The following PPP3CB variants were observed in gnomAD, a reference collection of about 807,000 sequenced individuals.
PPP3CB encodes serine/threonine-protein phosphatase 2B catalytic subunit beta isoform.
In PPP3CB, 8 loss-of-function variants were observed where a neutral mutation model predicts 66.4. The ratio of observed to expected loss-of-function variants is 0.12; its 90% confidence interval spans 0.07 to 0.22. PPP3CB has a LOEUF of 0.22. Ranked by LOEUF, PPP3CB falls within the 10% of genes least tolerant of loss-of-function variation. The probability of loss-of-function intolerance (pLI) is 1.00; values close to 1 mark genes in which losing one functional copy is unlikely to be tolerated. For missense variants in PPP3CB, 319 were observed against 642.5 expected (o/e 0.50, Z 5.44); for synonymous variants, 208 against 221.2 (o/e 0.94, Z 0.53).
intron 11 of PPP3CB, 152 bp from the exon 12 acceptor site, chr10:73,444,974 A>T: frequency 1.2e-6 from 1 of 824,460 alleles, no homozygotes; most frequent in East Asian, 2.7e-5. Flanking sequence ...TAATTTTTCT[A>T]TATTTTAAGT....
intron 1 of PPP3CB, among the ~76,000 whole-genome samples, chr10:73,491,494 A>T (rs745480266): frequency 4.6e-5 from 7 of 152,226 alleles, no homozygotes; most frequent in African/African-American, 9.6e-5. Context: ...TATGGTTAAC[A>T]GTAATGAGAG....
chr10:73,448,997 CAT>C (rs778443828), intron 10 of PPP3CB, among the ~76,000 whole-genome samples: 5 of 152,196 alleles, frequency 3.3e-5, no homozygotes, highest in African/African-American at 4.8e-5. Flanking sequence ...CAGAAAAAAA[CAT>C]GTGAAAACAC....
intron 4 of PPP3CB, among the ~76,000 whole-genome samples, chr10:73,473,275 CAT>C (rs2056731834): frequency 6.6e-6 from 1 of 152,198 alleles, no homozygotes; most frequent in South Asian, 2.1e-4. Flanking sequence ...TTTATTGGAT[CAT>C]GTTTTGAGTC....
At chr10:73,449,772 A>G (rs1181716267) in intron 10 of PPP3CB, among the ~76,000 whole-genome samples, 2 of 152,056 alleles carry the variant, frequency 1.3e-5, no homozygotes, top group East Asian at 3.9e-4. Flanking sequence ...ACCACTTAAC[A>G]ACAGTCTTAT....
At position 73,465,549 on chromosome 10, in the gene PPP3CB, G is replaced by A. The variant is rs113987216; in HGVS notation, c.1108+2004C>T. 1.3e-3 allele frequency among the ~76,000 whole-genome samples: 191 copies of A among 152,176 alleles called. 1 individual carries two copies. The highest frequency in any genetic ancestry group is 3.9e-3 in the African/African-American group (163 of 41,534). Reference sequence around the variant, plus strand: ...TGCACTCTAGTCTGTGTGACAGAGCGAGACTCTGTCTCTATAAAAAAAAAT... The same window carrying A: ...TGCACTCTAGTCTGTGTGACAGAGCAAGACTCTGTCTCTATAAAAAAAAAT... On this transcript the variant is annotated intron_variant, in intron 9 of 13. Coordinates refer to ENST00000360663, the MANE Select transcript of PPP3CB (RefSeq NM_021132.4).
intron 1 of PPP3CB, among the ~76,000 whole-genome samples, chr10:73,489,942 AAAGT>A (rs572540946): frequency 1.1e-3 from 165 of 152,316 alleles, no homozygotes; most frequent in African/African-American, 3.8e-3. Context: ...GCTTTCCCTC[AAAGT>A]AAGATAGCCA....
At chr10:73,456,544 T>A (rs2056430290) in intron 9 of PPP3CB, among the ~76,000 whole-genome samples, 1 of 152,190 alleles carries the variant, frequency 6.6e-6, no homozygotes, top group African/African-American at 2.4e-5. Context: ...TAAGGTCAAT[T>A]GATTTTTGAC....
chr10:73,476,003 C>A (rs146720969), intron 3 of PPP3CB, among the ~76,000 whole-genome samples: 6,600 of 151,780 alleles, frequency 0.043, 440 homozygotes, highest in African/African-American at 0.14. Context: ...ACTACAGGCA[C>A]ATGCCACCAG....
intron 9 of PPP3CB, among the ~76,000 whole-genome samples, chr10:73,462,140 CTTTTTTTTTTTTTTT>C (rs1019088638): frequency 1.1e-5 from 1 of 94,216 alleles, no homozygotes; most frequent in Non-Finnish European, 2.2e-5. Flanking sequence ...TAAACTCCTT[CTTTTTTTTTTTTTTT>C]TTTTTTTTTT....
chr10:73,439,764 A>T, intron 13 of PPP3CB, 108 bp downstream of exon 13: 2 of 1,245,462 alleles, frequency 1.6e-6, no homozygotes, highest in Non-Finnish European at 2.3e-6. Context: ...AGTGAGTCTG[A>T]TTCATCTTGG....
At chr10:73,494,549 C>T (rs533536770) in intron 1 of PPP3CB, among the ~76,000 whole-genome samples, 1 of 152,072 alleles carries the variant, frequency 6.6e-6, no homozygotes, top group African/African-American at 2.4e-5. Context: ...CCTGCCTCAG[C>T]ATCCGAAAGT....
Position 73,467,793 on chromosome 10 carries a change from G to C in PPP3CB, c.983-115C>G, listed in dbSNP as rs564193122. On this transcript the variant is annotated intron_variant, in intron 8 of 13. Coordinates refer to ENST00000360663, the MANE Select transcript of PPP3CB (RefSeq NM_021132.4). ...ATATTAAGAGGAAGGGAGATCGGGG[G>C]TGAGTGGAATCAGGGCTGGTAGAGG... The C allele has an allele frequency of 2.7e-4, 270 of 991,790 alleles. 4 individuals carry two copies. The South Asian group carries it at 3.1e-3, about 11-fold the overall frequency. The allele number at this position is 991,790 out of a possible 1,614,324, so 61.4% of individuals were successfully genotyped here. A position where few individuals can be genotyped will look rare whatever the true frequency, so the allele number is the denominator to read the frequency against.
At chr10:73,459,031 T>C (rs1045868854) in intron 9 of PPP3CB, among the ~76,000 whole-genome samples, 3 of 150,462 alleles carry the variant, frequency 2.0e-5, no homozygotes, top group Non-Finnish European at 4.4e-5. Flanking sequence ...GATCGCACCA[T>C]TGCACCCTAG....
chr10:73,456,302 A>T (rs2056426451), intron 9 of PPP3CB, among the ~76,000 whole-genome samples: 1 of 152,236 alleles, frequency 6.6e-6, no homozygotes, highest in South Asian at 2.1e-4. Flanking sequence ...TATCAACTGC[A>T]AAAGGTTGAT....
chr10:73,494,313 G>A (rs1014860281), intron 1 of PPP3CB, among the ~76,000 whole-genome samples: 3 of 151,986 alleles, frequency 2.0e-5, no homozygotes, highest in African/African-American at 7.2e-5. Context: ...TGGAGACAGG[G>A]TCTGGCTCTG....
chr10:73,476,613 T>C (rs1433741690), intron 3 of PPP3CB, among the ~76,000 whole-genome samples: 1 of 140,066 alleles, frequency 7.1e-6, no homozygotes, highest in Non-Finnish European at 1.5e-5. Context: ...TGAGAGTCCA[T>C]CTCAATTAAA....
At chr10:73,439,270 C>A (rs1012495228) in intron 13 of PPP3CB, among the ~76,000 whole-genome samples, 38 of 152,226 alleles carry the variant, frequency 2.5e-4, no homozygotes, top group African/African-American at 8.2e-4. Flanking sequence ...ATGAACCAAA[C>A]AAATGGCTGG....
chr10:73,487,968 A>T (rs1292225616), intron 1 of PPP3CB, among the ~76,000 whole-genome samples: 1 of 151,850 alleles, frequency 6.6e-6, no homozygotes, highest in Non-Finnish European at 1.5e-5. Context: ...TTTAATAGAG[A>T]CGGGGTTTCA....
intron 1 of PPP3CB, among the ~76,000 whole-genome samples, chr10:73,480,170 T>C (rs2056850458): frequency 6.6e-6 from 1 of 152,222 alleles, no homozygotes; most frequent in South Asian, 2.1e-4. Context: ...ACTTCTGAAA[T>C]GCAAATTAAT....
Sources: gnomAD v4.1 joint callset for allele counts (sites outside exome capture counted in the v4.1 genomes callset) on GRCh38, gnomAD v4.1.1 for gene constraint, MANE v1.5 for transcripts, NCBI Gene and HGNC (gene_info 2026-07-23, HGNC 2026-07-21) for gene names.